HNRNPH3: variants seen among roughly 807,000 people sequenced by gnomAD.
HNRNPH3 encodes the protein heterogeneous nuclear ribonucleoprotein 2H9.
In HNRNPH3, 7 loss-of-function variants were observed where a neutral mutation model predicts 47.0. The observed-to-expected ratio is 0.15, with a 90% CI of 0.08 to 0.28. HNRNPH3 has a LOEUF of 0.28. HNRNPH3 is among the 10% of genes least tolerant of loss of function. The probability of loss-of-function intolerance (pLI) is 1.00; values close to 1 mark genes in which losing one functional copy is unlikely to be tolerated. For synonymous variants in HNRNPH3, 120 were observed against 143.2 expected, an observed-to-expected ratio of 0.84 and a Z score of 1.16; for missense variants, 279 against 449.6, an observed-to-expected ratio of 0.62 and a Z score of 3.43.
At chr10:68,333,057 G>A (rs555010887) in intron 1 of HNRNPH3, 2 of 152,112 alleles carry the variant, frequency 1.3e-5, no homozygotes, top group Non-Finnish European at 2.9e-5. Context: ...AGGAATAAAG[G>A]ACGCTTAGCC....
Position 68,341,152 on chromosome 10 carries a change from A to AT in HNRNPH3, c.640-21dup, listed in dbSNP as rs1306340570. ...TTTAATATTCTCAATAGAAAAGTAA[A>AT]TAAGTGTTTCCTTTTATTTAGTTCT... On this transcript the variant is annotated intron_variant, in intron 6 of 9. Coordinates refer to ENST00000265866, the MANE Select transcript of HNRNPH3 (RefSeq NM_012207.3). 3.3e-6 allele frequency: 5 copies of AT among 1,504,888 alleles called. No individual in the cohort carries two copies. In the African/African-American group the frequency reaches 7.1e-5, roughly 21 times the overall value. 93.2% of individuals were successfully genotyped at this position (1,504,888 alleles called of 1,614,324 possible).
At chr10:68,338,201 C>G (rs2045634682) in intron 3 of HNRNPH3, 4 of 473,458 alleles carry the variant, frequency 8.4e-6, no homozygotes, top group South Asian at 4.5e-5. Context: ...TTCCATTTCT[C>G]TGTAGGATGT....
In HNRNPH3 at chr10:68,337,153, A is replaced by G; in HGVS notation, c.-23-46A>G. The G allele has an allele frequency of 1.1e-6, 1 of 895,598 alleles. No individual in the cohort carries two copies. The highest frequency in any genetic ancestry group is 2.5e-5 in the East Asian group (1 of 39,558). The allele number at this position is 895,598 out of a possible 1,614,324, so 55.5% of individuals were successfully genotyped here. On this transcript the variant is annotated intron_variant, in intron 1 of 9. Coordinates refer to ENST00000265866, the MANE Select transcript of HNRNPH3 (RefSeq NM_012207.3). The surrounding 1 kb of genome is among the most constrained non-coding windows in gnomAD (Gnocchi z 4.5). ...TGTTTCTTCATTACCTCTTGACAAG[A>G]GTATATTTTGATTGACTGCTCTATG...
intron 6 of HNRNPH3, among the ~76,000 whole-genome samples, chr10:68,339,940 G>A (rs1418806810): frequency 6.6e-6 from 1 of 152,150 alleles, no homozygotes; most frequent in African/African-American, 2.4e-5. Flanking sequence ...AGCTACATTC[G>A]TGAAGTCCAG....
intron 3 of HNRNPH3, 176 bp downstream of exon 3, chr10:68,338,172 T>TA (rs1192131101): frequency 1.4e-5 from 7 of 499,698 alleles, no homozygotes; most frequent in African/African-American, 1.1e-4. Flanking sequence ...TGCTAATAGT[T>TA]AAATTAAAAT....
In HNRNPH3 at chr10:68,342,232, G is replaced by A. The variant is rs1589731791; in HGVS notation, c.*178G>A. On this transcript the variant is annotated 3_prime_UTR_variant, in exon 10 of 10. Coordinates refer to ENST00000265866, the MANE Select transcript of HNRNPH3 (RefSeq NM_012207.3). Reference sequence around the variant, plus strand: ...GAAAATGTTTTCTGTAGGTTTATTTGTTGCATACTTTGACTTAAAAATAAA... The same window carrying A: ...GAAAATGTTTTCTGTAGGTTTATTTATTGCATACTTTGACTTAAAAATAAA... The A allele has an allele frequency of 1.9e-6, 1 of 515,566 alleles. No individual in the cohort carries two copies. Among genetic ancestry groups the A allele is most frequent in the African/African-American group, 2.0e-5 (1 of 50,384 alleles). The allele number at this position is 515,566 out of a possible 1,614,324, so 31.9% of individuals were successfully genotyped here. A position where few individuals can be genotyped will look rare whatever the true frequency, so the allele number is the denominator to read the frequency against.
chr10:68,337,471 T>C lies in HNRNPH3; in HGVS notation c.112+138T>C, dbSNP rs1279951678. The C allele has an allele frequency of 3.3e-6, 2 of 605,160 alleles. No homozygotes were observed. Among genetic ancestry groups the C allele is most frequent in the Non-Finnish European group, 5.9e-6 (2 of 341,170 alleles). The allele number at this position is 605,160 out of a possible 1,614,324, so 37.5% of individuals were successfully genotyped here. The stretch of plus-strand genomic sequence containing the variant: ...GATAGTCTTGGTTAATGTATTAAAA[T>C]AATATGCTCCAGTTAATATTCAATA... On this transcript the variant is annotated intron_variant, in intron 2 of 9. Coordinates refer to ENST00000265866, the MANE Select transcript of HNRNPH3 (RefSeq NM_012207.3). The surrounding 1 kb of genome is among the most constrained non-coding windows in gnomAD (Gnocchi z 4.5).
intron 3 of HNRNPH3, 23 bp downstream of exon 3, chr10:68,338,019 G>A: frequency 6.4e-7 from 1 of 1,559,250 alleles, no homozygotes; most frequent in African/African-American, 1.3e-5. Flanking sequence ...AGTTTGGGAT[G>A]GTGTTAAATT....
Position 68,340,903 on chromosome 10 carries a change from A to G in HNRNPH3, c.640-271A>G, listed in dbSNP as rs529662601. ...CTGCAGCTCCCACCTCCTGCGTTCA[A>G]GCGATTCTCTGTCTCAGCCTTCTGA... On this transcript the variant is annotated intron_variant, in intron 6 of 9. Transcript: ENST00000265866. 7.9e-5 allele frequency among the ~76,000 whole-genome samples: 12 copies of G among 151,990 alleles called. No individual in the cohort carries two copies. The East Asian group carries it at 2.1e-3, about 27-fold the overall frequency.
intron 5 of HNRNPH3, 37 bp downstream of exon 5, chr10:68,339,263 A>G: frequency 1.3e-6 from 2 of 1,578,134 alleles, no homozygotes; most frequent in South Asian, 2.3e-5. Flanking sequence ...ATTCATAGGT[A>G]AATTTTAGTA....
In HNRNPH3 at chr10:68,342,001, G is replaced by C. The variant is rs755404942; in HGVS notation, c.988G>C (p.Gly330Arg). The C allele has an allele frequency of 1.2e-6, 2 of 1,614,088 alleles. No individual in the cohort carries two copies. Among genetic ancestry groups the C allele is most frequent in the East Asian group, 4.5e-5 (2 of 44,882 alleles). The change falls in exon 10 of 10, where the codon GGT becomes CGT. Residue 330 changes from glycine to arginine, a missense_variant. By Grantham distance (125) the Gly-to-Arg change is moderately radical (BLOSUM62 -2). This residue lies in a region of HNRNPH3 where 239 missense variants were observed against 335.8 expected (regional missense o/e 0.71). Coordinates refer to ENST00000265866, the MANE Select transcript of HNRNPH3 (RefSeq NM_012207.3). ...AGGCCGTGGTGGTGGAGGCAGTGGAGGTTACTATGGGCAAGGCGGCATGAG... is the reference window on the plus strand; with the variant it reads ...AGGCCGTGGTGGTGGAGGCAGTGGACGTTACTATGGGCAAGGCGGCATGAG... ...GYGRGGGGSG[G>R]YYGQGGMSGG...
At position 68,337,999 on chromosome 10, in the gene HNRNPH3, GGGGATGGAGAGTTT is replaced by G. The variant is rs1280556247; in HGVS notation, c.251+11_251+24del. 6.2e-7 allele frequency: 1 copy of G among 1,600,798 alleles called. No individual in the cohort carries two copies. Among genetic ancestry groups the G allele is most frequent in the East Asian group, 2.2e-5 (1 of 44,766 alleles). On this transcript the variant is annotated splice_donor_5th_base_variant and intron_variant, in intron 3 of 9. Transcript: ENST00000265866. This position sits in a 1 kb window ranked among gnomAD's most constrained non-coding sequence, Gnocchi z 4.5. ...CACAAGGAAAGAATAGGGCACAGGT[GGGGATGGAGAGTTT>G]GGGATGGTGTTAAATTTTTATTTTT...
At chr10:68,341,540 C>A in intron 7 of HNRNPH3, 45 bp from the exon 8 acceptor site, 1 of 1,282,962 alleles carries the variant, frequency 7.8e-7, no homozygotes, top group Non-Finnish European at 1.1e-6. Flanking sequence ...TGAATTTTAT[C>A]CATCATTCCT....
chr10:68,335,666 C>T (rs1298790379), intron 1 of HNRNPH3, among the ~76,000 whole-genome samples: 1 of 152,120 alleles, frequency 6.6e-6, no homozygotes, highest in Admixed American at 6.6e-5. Context: ...AGCTCACTGG[C>T]TTTTGCAGGG....
Position 68,337,003 on chromosome 10 carries a change from G to T in HNRNPH3, c.-23-196G>T. The T allele has an allele frequency of 2.3e-6, 1 of 436,102 alleles. No homozygotes were observed. Among genetic ancestry groups the T allele is most frequent in the Non-Finnish European group, 4.1e-6 (1 of 245,636 alleles). 27.0% of individuals were successfully genotyped at this position (436,102 alleles called of 1,614,324 possible). ...TACGAAATTCAGTACTTTTCCGTAG[G>T]AGGGGGTCAGGTCTCATTGCCTTTT... On this transcript the variant is annotated intron_variant, in intron 1 of 9. Transcript: ENST00000265866. This position sits in a 1 kb window ranked among gnomAD's most constrained non-coding sequence, Gnocchi z 4.5.
intron 1 of HNRNPH3, among the ~76,000 whole-genome samples, chr10:68,334,514 T>C (rs1180043912): frequency 1.3e-5 from 2 of 152,204 alleles, no homozygotes; most frequent in South Asian, 2.1e-4. Context: ...GTCACTACAA[T>C]TTAATTTTAG....
chr10:68,338,164 C>G (rs2045632257), intron 3 of HNRNPH3, 168 bp downstream of exon 3: 1 of 509,974 alleles, frequency 2.0e-6, no homozygotes, highest in African/African-American at 1.9e-5. Flanking sequence ...GGAATTAATG[C>G]TAATAGTTAA....
chr10:68,342,438 TG>T lies in HNRNPH3; in HGVS notation c.*386del, dbSNP rs2134813627. ...AAACTGCAAGTCTTAAGCAGACATCTGGAATAGAGCTTGACAAATAATTAGT... is the reference window on the plus strand; with the variant it reads ...AAACTGCAAGTCTTAAGCAGACATCTGAATAGAGCTTGACAAATAATTAGT... On this transcript the variant is annotated 3_prime_UTR_variant, in exon 10 of 10. Coordinates refer to ENST00000265866, the MANE Select transcript of HNRNPH3 (RefSeq NM_012207.3). 6.1e-6 allele frequency: 1 copy of T among 163,972 alleles called. No individual in the cohort carries two copies. Among genetic ancestry groups the T allele is most frequent in the African/African-American group, 2.4e-5 (1 of 41,862 alleles). The allele number at this position is 163,972 out of a possible 1,614,324, so 10.2% of individuals were successfully genotyped here. A position where few individuals can be genotyped will look rare whatever the true frequency, so the allele number is the denominator to read the frequency against.
At chr10:68,334,757 G>A (rs2045448397) in intron 1 of HNRNPH3, among the ~76,000 whole-genome samples, 1 of 152,100 alleles carries the variant, frequency 6.6e-6, no homozygotes, top group Admixed American at 6.6e-5. Flanking sequence ...ATCTTTTATT[G>A]GTACTAGCAC....
Sources: gnomAD v4.1 joint callset for allele counts (sites outside exome capture counted in the v4.1 genomes callset) on GRCh38, gnomAD v4.1.1 for gene constraint, gnomAD v4.1.1 regional missense constraint, Gnocchi (gnomAD v3.1) non-coding constraint, MANE v1.5 for transcripts, NCBI Gene and HGNC (gene_info 2026-07-23, HGNC 2026-07-21) for gene names.